Variants in DRAM2 observed in about 807,000 individuals in gnomAD.
DRAM2 encodes DNA damage-regulated autophagy modulator protein 2.
Under a neutral mutation model 33.5 loss-of-function variants are expected in DRAM2, and 26 were observed. That is an observed-to-expected ratio of 0.78 (90% CI 0.57 to 1.08). The LOEUF (loss-of-function observed/expected upper bound fraction) is 1.08, where lower values mean the gene tolerates loss of function less well. Ranked by LOEUF, DRAM2 falls within the 50% of genes least tolerant of loss-of-function variation. The pLI is 0.00. For missense variants in DRAM2, 311 were observed against 318.1 expected (o/e 0.98, Z 0.17); for synonymous variants, 98 against 109.5 (o/e 0.89, Z 0.66).
In DRAM2 at chr1:111,129,108, T is replaced by C. The variant is rs1046029264; in HGVS notation, c.131+2316A>G. Reference sequence around the variant, plus strand: ...TACCACTGTGGAAACAACATGTAGATAGTAATGCCCAGATCTTTTCTTGAC... The same window carrying C: ...TACCACTGTGGAAACAACATGTAGACAGTAATGCCCAGATCTTTTCTTGAC... On this transcript the variant is annotated intron_variant, in intron 4 of 9. Transcript: ENST00000484310. Among the ~76,000 whole-genome samples the C allele has an allele frequency of 5.3e-5, 8 of 152,246 alleles. No homozygotes were observed. In the South Asian group the frequency reaches 8.3e-4, roughly 16 times the overall value.
At chr1:111,126,171 A>G in intron 5 of DRAM2, 56 bp downstream of exon 5, 1 of 1,145,512 alleles carries the variant, frequency 8.7e-7, no homozygotes, top group Admixed American at 1.7e-5. Flanking sequence ...TGTTGAAAGA[A>G]GAAAATACTG....
intron 6 of DRAM2, among the ~76,000 whole-genome samples, chr1:111,122,385 AG>A (rs61384051): frequency 0.14 from 20,602 of 152,144 alleles, 1,627 homozygotes; most frequent in South Asian, 0.31. Flanking sequence ...TAAGGAGGGA[AG>A]TAAAGACAGA....
At chr1:111,118,941 A>T in intron 8 of DRAM2, 44 bp from the exon 9 acceptor site, 1 of 1,380,204 alleles carries the variant, frequency 7.2e-7, no homozygotes, top group Non-Finnish European at 1.0e-6. Context: ...AATTTCATTT[A>T]AACGATCTAT....
intron 7 of DRAM2, 42 bp from the exon 8 acceptor site, chr1:111,120,001 C>T (rs1169945596): frequency 1.3e-5 from 20 of 1,539,068 alleles, no homozygotes; most frequent in Non-Finnish European, 1.8e-5. Flanking sequence ...GAGACGATCT[C>T]AGAGAACAAA....
chr1:111,118,836 C>A lies in DRAM2; in HGVS notation c.662G>T (p.Gly221Val), dbSNP rs1193105997. ...AEWSMSFSFF[G>V]FFLTYIRDFQ... ...ATCACGAATGTAAGTCAGGAAAAAACCAAAGAAGGAAAATGACATAGACCA... is the reference window on the plus strand; with the variant it reads ...ATCACGAATGTAAGTCAGGAAAAAAACAAAGAAGGAAAATGACATAGACCA... The change falls in exon 9 of 10, where the codon GGT (glycine) becomes GTT (valine). Residue 221 changes from glycine (G) to valine (V), a missense_variant. Physicochemically the swap from Gly to Val is moderately radical, Grantham distance 109. Transcript: ENST00000484310. The A allele has an allele frequency of 6.2e-7, 1 of 1,609,558 alleles. No homozygotes were observed. The highest frequency in any genetic ancestry group is 1.3e-5 in the African/African-American group (1 of 74,580).
At chr1:111,133,531 C>A (rs1652561347) in intron 3 of DRAM2, among the ~76,000 whole-genome samples, 1 of 152,202 alleles carries the variant, frequency 6.6e-6, no homozygotes, top group Non-Finnish European at 1.5e-5. Flanking sequence ...GTTCTCAATT[C>A]TTTGCTCTAG....
At chr1:111,135,405 A>T (rs1269317025) in intron 3 of DRAM2, among the ~76,000 whole-genome samples, 1 of 152,148 alleles carries the variant, frequency 6.6e-6, no homozygotes, top group Non-Finnish European at 1.5e-5. Flanking sequence ...CCCAAAGGAA[A>T]CACACTGCTA....
chr1:111,127,939 T>C (rs1651337130), intron 4 of DRAM2: 1 of 152,178 alleles, frequency 6.6e-6, no homozygotes, highest in Non-Finnish European at 1.5e-5. Flanking sequence ...TAAATGTTTT[T>C]AGATTAAAAA....
Position 111,131,412 on chromosome 1 carries a change from C to T in DRAM2, c.131+12G>A, listed in dbSNP as rs1416056260. 1.2e-6 allele frequency: 2 copies of T among 1,609,842 alleles called. No individual in the cohort carries two copies. Among genetic ancestry groups the T allele is most frequent in the Admixed American group, 1.7e-5 (1 of 59,190 alleles). On this transcript the variant is annotated intron_variant, in intron 4 of 9. Coordinates refer to ENST00000484310, the MANE Select transcript of DRAM2 (RefSeq NM_001349884.2). Reference sequence around the variant, plus strand: ...TAAAGAGTCTCCTATACAAAGAATACATTTCACTTACCTGATATAAGGTAA... The same window carrying T: ...TAAAGAGTCTCCTATACAAAGAATATATTTCACTTACCTGATATAAGGTAA...
chr1:111,126,601 C>G (rs1651067127), intron 4 of DRAM2, among the ~76,000 whole-genome samples: 2 of 152,002 alleles, frequency 1.3e-5, no homozygotes, highest in Admixed American at 1.3e-4. Context: ...ATCATTCAGG[C>G]AGATGGATTT....
In DRAM2 at chr1:111,120,562, C is replaced by A; in HGVS notation, c.471G>T (p.Trp157Cys). 1 of 1,612,068 alleles carries A rather than the reference C, an allele frequency of 6.2e-7. No individual in the cohort carries two copies. The highest frequency in any genetic ancestry group is 8.5e-7 in the Non-Finnish European group (1 of 1,178,862). ...QPKIHGKQVF[W>C]IRLLLVIWCG... ...ACCAGATAACCAACAACAGTCTGATCCAGAAGACTTGTTTGCCATGGATTT... is the reference window on the plus strand; with the variant it reads ...ACCAGATAACCAACAACAGTCTGATACAGAAGACTTGTTTGCCATGGATTT... The change falls in exon 7 of 10, where the codon TGG (tryptophan) becomes TGT (cysteine). Residue 157 changes from tryptophan (W) to cysteine (C), a missense_variant. By Grantham distance (215) the Trp-to-Cys change is radical. Transcript: ENST00000484310.
chr1:111,124,296 A>G (rs1404916412), intron 6 of DRAM2, among the ~76,000 whole-genome samples: 1 of 152,248 alleles, frequency 6.6e-6, no homozygotes, highest in Non-Finnish European at 1.5e-5. Flanking sequence ...ATTTCCTCAT[A>G]TACAAGGCAG....
intron 5 of DRAM2, 120 bp downstream of exon 5, chr1:111,126,107 T>C: frequency 3.1e-6 from 2 of 651,344 alleles, no homozygotes; most frequent in Non-Finnish European, 5.6e-6. Context: ...ATCAATTATT[T>C]AGTGATAACA....
chr1:111,123,854 C>T (rs1557887383), intron 6 of DRAM2, among the ~76,000 whole-genome samples: 1 of 152,146 alleles, frequency 6.6e-6, no homozygotes, highest in Non-Finnish European at 1.5e-5. Flanking sequence ...GCTCTGCACA[C>T]ACCAGCTCCT....
intron 4 of DRAM2, among the ~76,000 whole-genome samples, chr1:111,126,830 A>G (rs1027212359): frequency 1.3e-5 from 2 of 152,204 alleles, no homozygotes; most frequent in African/African-American, 2.4e-5. Flanking sequence ...CGGAGCTTAC[A>G]TTCAAGACAG....
intron 6 of DRAM2, among the ~76,000 whole-genome samples, chr1:111,122,136 TA>T (rs1354203121): frequency 6.6e-6 from 1 of 152,166 alleles, no homozygotes; most frequent in Non-Finnish European, 1.5e-5. Flanking sequence ...TTTAGCAAAT[TA>T]TTTTTTTCTC....
chr1:111,128,745 T>C (rs545941857), intron 4 of DRAM2, among the ~76,000 whole-genome samples: 3 of 152,196 alleles, frequency 2.0e-5, no homozygotes, highest in Admixed American at 1.3e-4. Flanking sequence ...GGAATTTCTT[T>C]CCCCAGAACA....
At chr1:111,120,777 A>G in intron 6 of DRAM2, 84 bp from the exon 7 acceptor site, 1 of 1,238,262 alleles carries the variant, frequency 8.1e-7, no homozygotes, top group Admixed American at 2.8e-5. Context: ...CAACCCAGAG[A>G]TTTCAATAGG....
chr1:111,133,652 A>G (rs1652589639), intron 3 of DRAM2, among the ~76,000 whole-genome samples: 1 of 152,238 alleles, frequency 6.6e-6, no homozygotes, highest in East Asian at 1.9e-4. Flanking sequence ...CAACAGAATT[A>G]GAGGTTAAGA....
Sources: allele counts gnomAD v4.1 joint callset (sites outside exome capture counted in the v4.1 genomes callset), GRCh38; gene constraint gnomAD v4.1.1; transcripts MANE v1.5; gene names NCBI Gene and HGNC (gene_info 2026-07-23, HGNC 2026-07-21).